The following PCDHA12 variants were observed in gnomAD, a reference collection of about 807,000 sequenced individuals.
The protein encoded by PCDHA12 is protocadherin alpha-12.
A neutral mutation model predicts 60.0 loss-of-function variants in PCDHA12; 44 were observed. The observed-to-expected ratio is 0.73, with a 90% CI of 0.58 to 0.94. The LOEUF is 0.94. PCDHA12 is among the 40% of genes least tolerant of loss of function. The probability of loss-of-function intolerance (pLI) is 0.00; values close to 1 mark genes in which losing one functional copy is unlikely to be tolerated. For synonymous variants in PCDHA12, 569 were observed against 553.0 expected (o/e 1.03, Z -0.40); for missense variants, 1,276 against 1,239.7 (o/e 1.03, Z -0.44).
At position 140,876,919 on chromosome 5, in the gene PCDHA12, GA is replaced by G; in HGVS notation, c.1448del (p.Asp483AlafsTer41). The part of the protein sequence containing the change: ...HIFTVSAWDA[D>X]AQKNALVSYS... The stretch of plus-strand genomic sequence containing the variant: ...CTTCACGGTGTCGGCATGGGACGCG[GA>G]CGCGCAGAAGAACGCGCTGGTGTCC... On this transcript the variant is annotated frameshift_variant, in exon 1 of 4. Coordinates refer to ENST00000398631, the MANE Select transcript of PCDHA12 (RefSeq NM_018903.4). LOFTEE classifies it high-confidence loss of function. 2 of 1,613,952 alleles carry G rather than the reference GA, an allele frequency of 1.2e-6. No homozygotes were observed. Among genetic ancestry groups the G allele is most frequent in the Non-Finnish European group, 1.7e-6 (2 of 1,179,940 alleles).
In PCDHA12 at chr5:140,979,008, G is replaced by T; in HGVS notation, c.2426+1G>T. 1 of 1,613,990 alleles carries T rather than the reference G, an allele frequency of 6.2e-7. No individual in the cohort carries two copies. The highest frequency in any genetic ancestry group is 1.3e-5 in the African/African-American group (1 of 75,044). ...CCTCCCTGAGAGCAGGCATGCACAG[G>T]TATGTATTTCCCTCCTCATTCACTC... On this transcript the variant is annotated splice_donor_variant, in intron 2 of 3. Transcript: ENST00000398631. LOFTEE classifies it high-confidence loss of function.
chr5:140,950,826 G>A (rs1554219646), intron 1 of PCDHA12, among the ~76,000 whole-genome samples: 1 of 151,824 alleles, frequency 6.6e-6, no homozygotes, highest in African/African-American at 2.4e-5. Flanking sequence ...TTAAAGTTTG[G>A]TCCTTTAAGA....
At chr5:140,966,264 G>C (rs959228779) in intron 1 of PCDHA12, 3 of 347,414 alleles carry the variant, frequency 8.6e-6, no homozygotes, top group Non-Finnish European at 1.5e-5. Flanking sequence ...GTGGAGACTG[G>C]ATGAACTGGA....
chr5:140,928,172 C>T (rs782267454), intron 1 of PCDHA12: 1 of 1,614,200 alleles, frequency 6.2e-7, no homozygotes, highest in South Asian at 1.1e-5. Flanking sequence ...CCACTTAGCA[C>T]CCGAAGGACA....
chr5:140,968,994 G>A lies in PCDHA12; in HGVS notation c.2368-9955G>A. 6.2e-7 allele frequency: 1 copy of A among 1,614,216 alleles called. No individual in the cohort carries two copies. The highest frequency in any genetic ancestry group is 8.5e-7 in the Non-Finnish European group (1 of 1,180,038). On this transcript the variant is annotated intron_variant, in intron 1 of 3. Transcript: ENST00000398631. ...ACTGCGTATGGCACTGCATGCTGTG[G>A]AGGCTTCTGTGGAGTAAGGGAAAGG...
chr5:140,916,053 G>T (rs1378949362), intron 1 of PCDHA12, among the ~76,000 whole-genome samples: 1 of 152,104 alleles, frequency 6.6e-6, no homozygotes, highest in African/African-American at 2.4e-5. Flanking sequence ...AGGCAGAGGT[G>T]CCTCTCCCTG....
chr5:140,891,433 G>A (rs1256174929), intron 1 of PCDHA12, among the ~76,000 whole-genome samples: 1 of 145,874 alleles, frequency 6.9e-6, no homozygotes, highest in African/African-American at 2.6e-5. Flanking sequence ...AGTCCCCAAC[G>A]TCCATTGTAT....
intron 1 of PCDHA12, among the ~76,000 whole-genome samples, chr5:140,965,342 G>T (rs2095891598): frequency 6.6e-6 from 1 of 152,130 alleles, no homozygotes; most frequent in South Asian, 2.1e-4. Context: ...TTGTCTCTGT[G>T]TTGCCTCTAT....
intron 1 of PCDHA12, among the ~76,000 whole-genome samples, chr5:140,919,658 T>C (rs1271844986): frequency 2.0e-5 from 3 of 152,230 alleles, no homozygotes; most frequent in Non-Finnish European, 2.9e-5. Context: ...GTTTACCATA[T>C]ATATTTTAGC....
chr5:140,889,241 T>C (rs987868473), intron 1 of PCDHA12, among the ~76,000 whole-genome samples: 120 of 151,950 alleles, frequency 7.9e-4, no homozygotes, highest in African/African-American at 2.7e-3. Context: ...TCCAGAAAAT[T>C]TTCTGTTTCC....
intron 1 of PCDHA12, chr5:140,878,055 C>T: frequency 2.2e-6 from 1 of 449,762 alleles, no homozygotes; most frequent in Non-Finnish European, 3.6e-6. Context: ...GAGCACCACA[C>T]TTAATATTTT....
rs2098422926 is a variant in PCDHA12 at position 141,012,085 on chromosome 5, G to A, written c.*2148G>A. The A allele has an allele frequency of 1.3e-5, 2 of 153,740 alleles. No homozygotes were observed. Among genetic ancestry groups the A allele is most frequent in the Admixed American group, 1.3e-4 (2 of 15,280 alleles). 9.5% of individuals were successfully genotyped at this position (153,740 alleles called of 1,614,324 possible). A position where few individuals can be genotyped will look rare whatever the true frequency, so the allele number is the denominator to read the frequency against. ...ACATGTGAACCATTGCTACATTGTAGGTTGTGATCATTTTGCCCCACTGAA... is the reference window on the plus strand; with the variant it reads ...ACATGTGAACCATTGCTACATTGTAAGTTGTGATCATTTTGCCCCACTGAA... On this transcript the variant is annotated 3_prime_UTR_variant, in exon 4 of 4. Coordinates refer to ENST00000398631, the MANE Select transcript of PCDHA12 (RefSeq NM_018903.4).
At position 140,882,112 on chromosome 5, in the gene PCDHA12, C is replaced by A. The variant is rs1399071152; in HGVS notation, c.2367+4273C>A. On this transcript the variant is annotated intron_variant, in intron 1 of 3. Transcript: ENST00000398631. ...CTGAGAACGTTTCCGCGAAGAAAGC[C>A]GCCGTTTCTTTCTTCCTGCAGAAAA... 4 of 1,384,574 alleles carry A rather than the reference C, an allele frequency of 2.9e-6. No individual in the cohort carries two copies. The Admixed American group carries it at 7.3e-5, about 25-fold the overall frequency. 85.8% of individuals were successfully genotyped at this position (1,384,574 alleles called of 1,614,324 possible).
At position 140,876,551 on chromosome 5, in the gene PCDHA12, A is replaced by C; in HGVS notation, c.1079A>C (p.Gln360Pro). Residue 360 changes from glutamine to proline, a missense_variant, in exon 1 of 4, where the codon CAA becomes CCA. Physicochemically the swap from Gln to Pro is moderately conservative, Grantham distance 76 (BLOSUM62 -1). Transcript: ENST00000398631. ...GTTACTTCACTGTCGCTCCCTGTGC[A>C]AGAGGATGCTCAGGTGGGTACCGTC... ...VMVTSLSLPV[Q>P]EDAQVGTVIA... is the part of the protein sequence containing the mutation. 1 of 1,614,184 alleles carries C rather than the reference A, an allele frequency of 6.2e-7. No homozygotes were observed. Among genetic ancestry groups the C allele is most frequent in the Non-Finnish European group, 8.5e-7 (1 of 1,180,036 alleles).
chr5:141,009,975 GTAA>G lies in PCDHA12; in HGVS notation c.*43_*45del. The G allele has an allele frequency of 6.3e-7, 1 of 1,585,060 alleles. No individual in the cohort carries two copies. Among genetic ancestry groups the G allele is most frequent in the Non-Finnish European group, 8.6e-7 (1 of 1,168,878 alleles). ...GAAACAAGCCACTTAGCCAGTTTTT[GTAA>G]TAATGGCAAATCTCTCCCATGTAGC... On this transcript the variant is annotated 3_prime_UTR_variant, in exon 4 of 4. Coordinates refer to ENST00000398631, the MANE Select transcript of PCDHA12 (RefSeq NM_018903.4).
chr5:140,882,303 G>A, intron 1 of PCDHA12: 1 of 1,613,824 alleles, frequency 6.2e-7, no homozygotes. Context: ...CCAAGACCGC[G>A]GCAACTACTG....
At chr5:140,936,987 T>C (rs996790487) in intron 1 of PCDHA12, among the ~76,000 whole-genome samples, 1 of 152,170 alleles carries the variant, frequency 6.6e-6, no homozygotes, top group Non-Finnish European at 1.5e-5. Context: ...CTTGTTAACA[T>C]TGACAATATT....
chr5:140,927,758 A>G (rs781942462), intron 1 of PCDHA12: 1 of 1,614,170 alleles, frequency 6.2e-7, no homozygotes, highest in Non-Finnish European at 8.5e-7. Flanking sequence ...GTGCACCCTA[A>G]AAGTGGGGAG....
chr5:140,968,326 C>G (rs1554230623), intron 1 of PCDHA12: 1 of 1,614,058 alleles, frequency 6.2e-7, no homozygotes, highest in Non-Finnish European at 8.5e-7. Context: ...CAGTCACCTC[C>G]TATGTCTCCA....
Sources: gnomAD v4.1 joint callset for allele counts (sites outside exome capture counted in the v4.1 genomes callset) on GRCh38, gnomAD v4.1.1 for gene constraint, MANE v1.5 for transcripts, NCBI Gene and HGNC (gene_info 2026-07-23, HGNC 2026-07-21) for gene names.